The following CDKL1 variants were observed in gnomAD, a reference collection of about 807,000 sequenced individuals.
CDKL1 encodes cyclin-dependent kinase-like 1.
Under a neutral mutation model 42.0 loss-of-function variants are expected in CDKL1, and 41 were observed. The ratio of observed to expected loss-of-function variants is 0.98; its 90% CI spans 0.76 to 1.27. CDKL1 has a LOEUF of 1.27. Ranked by LOEUF, CDKL1 falls within the 50% of genes most tolerant of loss-of-function variation. The pLI is 0.00. For missense variants in CDKL1, 394 were observed against 428.4 expected (o/e 0.92, Z 0.71); for synonymous variants, 153 against 158.6 (o/e 0.96, Z 0.26).
rs77674933 is a variant in CDKL1 at position 50,347,694 on chromosome 14, T to A, written c.291-2636A>T. 4.3e-3 allele frequency among the ~76,000 whole-genome samples: 657 copies of A among 152,248 alleles called. 4 individuals carry two copies. Among genetic ancestry groups the A allele is most frequent in the African/African-American group, 0.014 (602 of 41,550 alleles). On this transcript the variant is annotated intron_variant, in intron 3 of 9. Transcript: ENST00000395834. ...AGACTGTGAGTCAGCAATTCTACATTCAGAAGGAAGGTCAGGCTGGAAATA... is the reference window on the plus strand; with the variant it reads ...AGACTGTGAGTCAGCAATTCTACATACAGAAGGAAGGTCAGGCTGGAAATA...
At chr14:50,351,853 A>G (rs1310680105) in intron 3 of CDKL1, among the ~76,000 whole-genome samples, 3 of 152,174 alleles carry the variant, frequency 2.0e-5, no homozygotes, top group Non-Finnish European at 4.4e-5. Context: ...AAGCCATAGT[A>G]TGGTACAATG....
intron 7 of CDKL1, among the ~76,000 whole-genome samples, chr14:50,336,822 T>A (rs964195718): frequency 3.3e-5 from 5 of 151,658 alleles, no homozygotes; most frequent in African/African-American, 1.2e-4. Context: ...CCACTCTTAG[T>A]ATTTTGATAT....
chr14:50,374,917 T>C (rs937982122), intron 2 of CDKL1, among the ~76,000 whole-genome samples: 1 of 152,016 alleles, frequency 6.6e-6, no homozygotes, highest in Non-Finnish European at 1.5e-5. Flanking sequence ...GAGGGGAACA[T>C]CACACACTGG....
chr14:50,332,656 C>G (rs767819902), intron 8 of CDKL1: 19 of 1,530,314 alleles, frequency 1.2e-5, no homozygotes, highest in Middle Eastern at 1.7e-4. Context: ...TCATTTTCTC[C>G]ACCTTATTCT....
chr14:50,334,878 A>C (rs1423260326), intron 7 of CDKL1: 2 of 313,310 alleles, frequency 6.4e-6, no homozygotes, highest in Non-Finnish European at 1.1e-5. Context: ...GAGATAGCAA[A>C]TTATAAATAA....
intron 2 of CDKL1, among the ~76,000 whole-genome samples, chr14:50,364,497 A>G (rs1247384532): frequency 6.6e-6 from 1 of 152,346 alleles, no homozygotes; most frequent in East Asian, 1.9e-4. Context: ...TATTTTAAAA[A>G]AGGAAACAAA....
At position 50,379,252 on chromosome 14, in the gene CDKL1, G is replaced by A. The variant is rs144602502; in HGVS notation, c.168+16449C>T. The stretch of plus-strand genomic sequence containing the variant: ...GTGCCTTGGCAGAGTATTGAGGAAG[G>A]GGCCTGGGGACTCAAGGAGGGGGAA... On this transcript the variant is annotated intron_variant, in intron 2 of 9. Transcript: ENST00000395834. Among the ~76,000 whole-genome samples the A allele has an allele frequency of 3.0e-4, 46 of 152,278 alleles. 1 individual carries two copies. The highest frequency in any genetic ancestry group is 1.0e-3 in the African/African-American group (43 of 41,542).
chr14:50,358,938 C>A lies in CDKL1; in HGVS notation c.290+90G>T, dbSNP rs897784188. 8.2e-6 allele frequency: 11 copies of A among 1,337,110 alleles called. No homozygotes were observed. The African/African-American group carries it at 1.6e-4, about 19-fold the overall frequency. 82.8% of individuals were successfully genotyped at this position (1,337,110 alleles called of 1,614,324 possible). On this transcript the variant is annotated intron_variant, in intron 3 of 9. Transcript: ENST00000395834. ...TACTGGCATGAGCCACTGCACCCGGCCTTACCTAGTCTTAAAAAGAGTCAT... is the reference window on the plus strand; with the variant it reads ...TACTGGCATGAGCCACTGCACCCGGACTTACCTAGTCTTAAAAAGAGTCAT...
In CDKL1 at chr14:50,330,194, A is replaced by C; in HGVS notation, c.967-13T>G. 6.3e-7 allele frequency: 1 copy of C among 1,598,078 alleles called. No homozygotes were observed. The highest frequency in any genetic ancestry group is 1.4e-5 in the African/African-American group (1 of 73,926). ...GTAGGTACTGCAACTAAAAATGCAA[A>C]ACACAGAATTAGGTTCAAAACTGTG... On this transcript the variant is annotated splice_polypyrimidine_tract_variant and intron_variant, in intron 9 of 9. Coordinates refer to ENST00000395834, the MANE Select transcript of CDKL1 (RefSeq NM_004196.7).
At chr14:50,345,918 C>T (rs373546462) in intron 3 of CDKL1, among the ~76,000 whole-genome samples, 14 of 152,256 alleles carry the variant, frequency 9.2e-5, no homozygotes, top group African/African-American at 3.1e-4. Context: ...AGAGGCATCT[C>T]GCCTGGAAAC....
At chr14:50,396,464 T>G (rs2035410480) in intron 1 of CDKL1, 135 bp from the exon 2 acceptor site, 1 of 984,734 alleles carries the variant, frequency 1.0e-6, no homozygotes, top group African/African-American at 1.7e-5. Context: ...ACCCTGTAAG[T>G]TAAAATGTAA....
chr14:50,386,934 G>A (rs1321091244), intron 2 of CDKL1, among the ~76,000 whole-genome samples: 1 of 151,862 alleles, frequency 6.6e-6, no homozygotes, highest in African/African-American at 2.4e-5. Context: ...GACTGAGGCA[G>A]GAGAATCACT....
chr14:50,363,011 C>T (rs1370625722), intron 2 of CDKL1: 5 of 456,430 alleles, frequency 1.1e-5, no homozygotes, highest in East Asian at 1.4e-4. Context: ...CAGCTTCACT[C>T]TTGAAGCCAG....
chr14:50,392,650 C>T (rs1387238371), intron 2 of CDKL1, among the ~76,000 whole-genome samples: 1 of 151,942 alleles, frequency 6.6e-6, no homozygotes, highest in Non-Finnish European at 1.5e-5. Flanking sequence ...CTCCTCCGGT[C>T]CCACAGCTTT....
chr14:50,347,798 AAAG>A (rs1426626652), intron 3 of CDKL1, among the ~76,000 whole-genome samples: 1 of 152,186 alleles, frequency 6.6e-6, no homozygotes, highest in Non-Finnish European at 1.5e-5. Context: ...GAATCCAGCT[AAAG>A]AAGAGGAGCT....
At chr14:50,377,312 A>G (rs542566907) in intron 2 of CDKL1, among the ~76,000 whole-genome samples, 4 of 152,206 alleles carry the variant, frequency 2.6e-5, no homozygotes, top group South Asian at 2.1e-4. Flanking sequence ...CCTTGGACCA[A>G]TGGGGGACAG....
Position 50,380,802 on chromosome 14 carries a change from C to CTTTGGTTTTTTTTTTTT in CDKL1, c.168+14898_168+14899insAAAAAAAAAAAACCAAA, listed in dbSNP as rs368170212. On this transcript the variant is annotated intron_variant, in intron 2 of 9. Coordinates refer to ENST00000395834, the MANE Select transcript of CDKL1 (RefSeq NM_004196.7). ...ATGGCCTGGGGCATGCTGTGACTTC[C>CTTTGGTTTTTTTTTTTT]TTTTTTTTTTGGGACAGAGCCTTGT... Among the ~76,000 whole-genome samples, 3 of 134,638 alleles carry CTTTGGTTTTTTTTTTTT rather than the reference C, an allele frequency of 2.2e-5. No individual in the cohort carries two copies. In the South Asian group the frequency reaches 7.3e-4, roughly 33 times the overall value. 88.3% of individuals were successfully genotyped at this position (134,638 alleles called of 152,430 possible).
chr14:50,384,439 C>T (rs1412362163), intron 2 of CDKL1, among the ~76,000 whole-genome samples: 1 of 152,128 alleles, frequency 6.6e-6, no homozygotes, highest in East Asian at 1.9e-4. Flanking sequence ...TGATACAGGG[C>T]TGGGGCAGGA....
chr14:50,362,068 G>C (rs1050848921), intron 2 of CDKL1: 2 of 229,098 alleles, frequency 8.7e-6, no homozygotes, highest in Non-Finnish European at 1.8e-5. Flanking sequence ...TTAGCACCTG[G>C]GCCAGCAGCT....
Sources: allele counts gnomAD v4.1 joint callset (sites outside exome capture counted in the v4.1 genomes callset), GRCh38; gene constraint gnomAD v4.1.1; transcripts MANE v1.5; gene names NCBI Gene and HGNC (gene_info 2026-07-23, HGNC 2026-07-21).